Variants in RABGAP1L observed in about 807,000 individuals in gnomAD.
RABGAP1L encodes the protein rab GTPase-activating protein 1-like.
In RABGAP1L, 63 loss-of-function variants were observed where a neutral mutation model predicts 137.7. The observed-to-expected ratio is 0.46, with a 90% CI of 0.37 to 0.56. The LOEUF (loss-of-function observed/expected upper bound fraction) is 0.56, where lower values mean the gene tolerates loss of function less well. Ranked by LOEUF, RABGAP1L falls within the 20% of genes least tolerant of loss-of-function variation. RABGAP1L has a pLI of 0.00. For missense variants in RABGAP1L, 1,095 were observed against 1,244.0 expected (o/e 0.88, Z 1.80); for synonymous variants, 431 against 433.7 (o/e 0.99, Z 0.08).
intron 11 of RABGAP1L, among the ~76,000 whole-genome samples, chr1:174,337,446 G>T (rs1175282343): frequency 1.3e-5 from 2 of 152,134 alleles, no homozygotes; most frequent in Non-Finnish European, 2.9e-5. Context: ...TGGAGAGGCA[G>T]ACTGAAAGCA....
chr1:174,370,855 G>A (rs1311800530), intron 11 of RABGAP1L, 124 bp from the exon 12 acceptor site: 1 of 422,734 alleles, frequency 2.4e-6, no homozygotes, highest in East Asian at 3.6e-5. Flanking sequence ...TTTTTGCAAT[G>A]CATGTAATAA....
chr1:174,553,010 T>C (rs1404388150), intron 13 of RABGAP1L, among the ~76,000 whole-genome samples: 2 of 152,250 alleles, frequency 1.3e-5, no homozygotes, highest in Non-Finnish European at 2.9e-5. Context: ...CATATTATTT[T>C]TGGCCACATA....
intron 12 of RABGAP1L, among the ~76,000 whole-genome samples, chr1:174,383,358 C>T (rs1301617416): frequency 6.6e-6 from 1 of 151,722 alleles, no homozygotes; most frequent in East Asian, 1.9e-4. Flanking sequence ...CCTAAGCAAG[C>T]CTGGGCAATG....
rs961864806 is a variant in RABGAP1L, at chr1:174,583,875, A to G, written c.1711-53500A>G. The stretch of plus-strand genomic sequence containing the variant: ...AATATCTAATCTTAAAACAATTTTG[A>G]AAATTAGAATTAGCATCACAATTGT... On this transcript the variant is annotated intron_variant, in intron 13 of 25. Coordinates refer to ENST00000681986, the MANE Select transcript of RABGAP1L (RefSeq NM_001366446.1). 2.0e-5 allele frequency among the ~76,000 whole-genome samples: 3 copies of G among 152,344 alleles called. No homozygotes were observed. The South Asian group carries it at 6.2e-4, about 32-fold the overall frequency.
chr1:174,854,164 T>C (rs984628700), intron 19 of RABGAP1L, among the ~76,000 whole-genome samples: 5 of 152,212 alleles, frequency 3.3e-5, no homozygotes, highest in Non-Finnish European at 7.3e-5. Flanking sequence ...GTATTGCAAA[T>C]AGGTGGTATA....
At chr1:174,583,036 A>C (rs953178409) in intron 13 of RABGAP1L, among the ~76,000 whole-genome samples, 2 of 152,216 alleles carry the variant, frequency 1.3e-5, no homozygotes, top group African/African-American at 4.8e-5. Flanking sequence ...CTATTTATGA[A>C]GTCAGAAAAA....
At chr1:174,811,398 G>A (rs982220557) in intron 18 of RABGAP1L, among the ~76,000 whole-genome samples, 6 of 152,154 alleles carry the variant, frequency 3.9e-5, no homozygotes, top group African/African-American at 1.4e-4. Flanking sequence ...TTGTGTAACT[G>A]ATGTATTTTG....
intron 18 of RABGAP1L, among the ~76,000 whole-genome samples, chr1:174,794,831 G>T (rs530527128): frequency 6.6e-6 from 1 of 152,278 alleles, no homozygotes; most frequent in Non-Finnish European, 1.5e-5. Context: ...TTAAGCTCCT[G>T]CAGGTCAGAA....
At chr1:174,807,785 C>T (rs925186310) in intron 18 of RABGAP1L, among the ~76,000 whole-genome samples, 4 of 151,986 alleles carry the variant, frequency 2.6e-5, no homozygotes, top group Non-Finnish European at 5.9e-5. Flanking sequence ...ACTTAGACTG[C>T]CCACTTTATG....
At chr1:174,971,344 C>T (rs1280918391) in intron 21 of RABGAP1L, among the ~76,000 whole-genome samples, 3 of 151,794 alleles carry the variant, frequency 2.0e-5, no homozygotes, top group Non-Finnish European at 2.9e-5. Context: ...ACCAAGAGAA[C>T]CCTTTATGTG....
intron 11 of RABGAP1L, among the ~76,000 whole-genome samples, chr1:174,310,565 T>C (rs1678732684): frequency 6.6e-6 from 1 of 152,194 alleles, no homozygotes; most frequent in South Asian, 2.1e-4. Context: ...TTTTTTGTAT[T>C]GCAGAATATC....
chr1:174,825,919 C>A (rs1691520826), intron 19 of RABGAP1L, among the ~76,000 whole-genome samples: 2 of 152,058 alleles, frequency 1.3e-5, no homozygotes, highest in Non-Finnish European at 2.9e-5. Context: ...AAAAAAGAAT[C>A]AAGGGTACAG....
chr1:174,443,439 T>C (rs1227075460), intron 13 of RABGAP1L, among the ~76,000 whole-genome samples: 2 of 152,156 alleles, frequency 1.3e-5, no homozygotes, highest in Non-Finnish European at 1.5e-5. Flanking sequence ...TATATCTCAT[T>C]ATAGTTTTAT....
intron 7 of RABGAP1L, among the ~76,000 whole-genome samples, chr1:174,271,396 G>A (rs1194462141): frequency 6.6e-6 from 1 of 152,060 alleles, no homozygotes; most frequent in African/African-American, 2.4e-5. Flanking sequence ...TGAGTGGTTA[G>A]CTGCCACTAT....
At chr1:174,254,222 T>C (rs1672935781) in intron 7 of RABGAP1L, among the ~76,000 whole-genome samples, 1 of 152,212 alleles carries the variant, frequency 6.6e-6, no homozygotes, top group South Asian at 2.1e-4. Flanking sequence ...TTTTAATTGC[T>C]TGCAAAGTTT....
At chr1:174,707,218 CTGTTT>C (rs3084003) in intron 17 of RABGAP1L, among the ~76,000 whole-genome samples, 7,398 of 150,458 alleles carry the variant, frequency 0.049, 272 homozygotes, top group African/African-American at 0.1. Flanking sequence ...AGGTTTTGTT[CTGTTT>C]TGTTTTGTTT....
chr1:174,357,603 A>G (rs1683746658), intron 11 of RABGAP1L, among the ~76,000 whole-genome samples: 1 of 152,208 alleles, frequency 6.6e-6, no homozygotes, highest in Non-Finnish European at 1.5e-5. Flanking sequence ...AAAGTTTTAT[A>G]TGTATTATAG....
At chr1:174,627,109 G>A (rs1371530855) in intron 13 of RABGAP1L, among the ~76,000 whole-genome samples, 1 of 152,140 alleles carries the variant, frequency 6.6e-6, no homozygotes, top group Non-Finnish European at 1.5e-5. Flanking sequence ...TGAAAATACA[G>A]CTTATACTTT....
intron 13 of RABGAP1L, among the ~76,000 whole-genome samples, chr1:174,414,206 T>A (rs1249728583): frequency 1.3e-5 from 2 of 152,118 alleles, no homozygotes; most frequent in Admixed American, 6.6e-5. Flanking sequence ...GGTTGGCATG[T>A]TTTTCATGTT....
Sources: gnomAD v4.1 joint callset for allele counts (sites outside exome capture counted in the v4.1 genomes callset) on GRCh38, gnomAD v4.1.1 for gene constraint, MANE v1.5 for transcripts, NCBI Gene and HGNC (gene_info 2026-07-23, HGNC 2026-07-21) for gene names.